ST8SIA4: variants seen among roughly 807,000 people sequenced by gnomAD.
The protein encoded by ST8SIA4 is CMP-N-acetylneuraminate-poly-alpha-2,8-sialyltransferase.
A neutral mutation model predicts 33.9 loss-of-function variants in ST8SIA4; 15 were observed. The observed-to-expected ratio is 0.44, with a 90% CI of 0.30 to 0.68. The LOEUF (loss-of-function observed/expected upper bound fraction) is 0.68. Ranked by LOEUF, ST8SIA4 falls within the 30% of genes least tolerant of loss-of-function variation. The pLI, the probability that ST8SIA4 is intolerant of heterozygous loss-of-function variation, is 0.10. For missense variants in ST8SIA4, 321 were observed against 428.0 expected (o/e 0.75, Z 2.21); for synonymous variants, 171 against 151.2 (o/e 1.13, Z -0.96).
At chr5:100,835,243 G>T (rs1751343400) in intron 4 of ST8SIA4, among the ~76,000 whole-genome samples, 1 of 152,048 alleles carries the variant, frequency 6.6e-6, no homozygotes, top group Non-Finnish European at 1.5e-5. Flanking sequence ...TTATCATATG[G>T]AGAGTTAATC....
intron 2 of ST8SIA4, among the ~76,000 whole-genome samples, chr5:100,892,402 G>A (rs1005909201): frequency 9.2e-5 from 14 of 152,084 alleles, no homozygotes; most frequent in African/African-American, 3.4e-4. Flanking sequence ...GCTGTAGAAT[G>A]CATAAACTCC....
chr5:100,838,987 C>T (rs1751418235), intron 4 of ST8SIA4, among the ~76,000 whole-genome samples: 1 of 151,432 alleles, frequency 6.6e-6, no homozygotes, highest in South Asian at 2.1e-4. Flanking sequence ...TAAAAGAGAA[C>T]ATTAATTTTT....
At position 100,836,450 on chromosome 5, in the gene ST8SIA4, A is replaced by G. The variant is rs1307250775; in HGVS notation, c.797+19653T>C. Among the ~76,000 whole-genome samples the G allele has an allele frequency of 2.6e-5, 4 of 151,864 alleles. No individual in the cohort carries two copies. In the East Asian group the frequency reaches 7.7e-4, roughly 29 times the overall value. The stretch of plus-strand genomic sequence containing the variant: ...ATTCATTTTTTTTTGCATTGTTCTG[A>G]GATTTGTCATTAGGTACGGTAGACT... On this transcript the variant is annotated intron_variant, in intron 4 of 4. Transcript: ENST00000231461.
chr5:100,878,967 C>T (rs1752362027), intron 3 of ST8SIA4, among the ~76,000 whole-genome samples: 1 of 151,994 alleles, frequency 6.6e-6, no homozygotes, highest in Non-Finnish European at 1.5e-5. Context: ...CAACAGATGC[C>T]AAATCTATAA....
At chr5:100,819,940 A>G (rs1751003357) in intron 4 of ST8SIA4, among the ~76,000 whole-genome samples, 1 of 152,170 alleles carries the variant, frequency 6.6e-6, no homozygotes, top group Non-Finnish European at 1.5e-5. Flanking sequence ...TATTTAATTT[A>G]TTCTTGCTGG....
At position 100,864,574 on chromosome 5, in the gene ST8SIA4, CAAAAAAA is replaced by C. The variant is rs201029430; in HGVS notation, c.504-8185_504-8179del. Among the ~76,000 whole-genome samples the C allele has an allele frequency of 5.9e-3, 411 of 69,256 alleles. 1 individual carries two copies. Among genetic ancestry groups the C allele is most frequent in the Admixed American group, 8.3e-3 (53 of 6,386 alleles). 45.4% of individuals were successfully genotyped at this position (69,256 alleles called of 152,430 possible). ...TGGGTGACAGAGCAAGACTCCGGCT[CAAAAAAA>C]AAAAAAAAAAAAAAAAAAAAAAGCC... On this transcript the variant is annotated intron_variant, in intron 3 of 4. Transcript: ENST00000231461.
At chr5:100,901,213 C>A (rs1294033429) in intron 1 of ST8SIA4, among the ~76,000 whole-genome samples, 3 of 152,192 alleles carry the variant, frequency 2.0e-5, no homozygotes, top group East Asian at 1.9e-4. Flanking sequence ...GAGATGGACA[C>A]CTCGGCAGTA....
Position 100,876,083 on chromosome 5 carries a change from A to G in ST8SIA4, c.503+10260T>C, listed in dbSNP as rs137998913. Among the ~76,000 whole-genome samples, 79 of 152,256 alleles carry G rather than the reference A, an allele frequency of 5.2e-4. 1 individual carries two copies. Among genetic ancestry groups the G allele is most frequent in the African/African-American group, 1.6e-3 (68 of 41,580 alleles). The stretch of plus-strand genomic sequence containing the variant: ...AAACAAAGACATAAAGCCTAAAACT[A>G]TACTCCTCTGTATTTAATAATACCA... On this transcript the variant is annotated intron_variant, in intron 3 of 4. Coordinates refer to ENST00000231461, the MANE Select transcript of ST8SIA4 (RefSeq NM_005668.6).
At chr5:100,861,083 T>TA (rs1751930501) in intron 3 of ST8SIA4, among the ~76,000 whole-genome samples, 1 of 152,170 alleles carries the variant, frequency 6.6e-6, no homozygotes, top group Admixed American at 6.6e-5. Context: ...GACTTTCATG[T>TA]GGTATACCAT....
chr5:100,823,439 C>T (rs908370239), intron 4 of ST8SIA4, among the ~76,000 whole-genome samples: 1 of 152,216 alleles, frequency 6.6e-6, no homozygotes, highest in African/African-American at 2.4e-5. Flanking sequence ...CTTTCTTTCC[C>T]TTTACGGACT....
chr5:100,902,720 A>G, intron 1 of ST8SIA4, 123 bp downstream of exon 1: 1 of 842,554 alleles, frequency 1.2e-6, no homozygotes, highest in East Asian at 2.6e-5. Context: ...AATTCATGAC[A>G]CTAACCACGC....
chr5:100,891,863 G>A (rs575950590), intron 2 of ST8SIA4, among the ~76,000 whole-genome samples: 4 of 151,904 alleles, frequency 2.6e-5, no homozygotes, highest in Admixed American at 6.6e-5. Flanking sequence ...TAGCTCTATC[G>A]GTAACTTATT....
At chr5:100,848,449 T>C (rs1408767069) in intron 4 of ST8SIA4, among the ~76,000 whole-genome samples, 1 of 149,852 alleles carries the variant, frequency 6.7e-6, no homozygotes, top group Non-Finnish European at 1.5e-5. Flanking sequence ...ATATGTGCAG[T>C]GTGTGTATAT....
chr5:100,848,433 A>G (rs1461059672), intron 4 of ST8SIA4, among the ~76,000 whole-genome samples: 1 of 150,336 alleles, frequency 6.7e-6, no homozygotes, highest in Non-Finnish European at 1.5e-5. Flanking sequence ...TTTACAGTAT[A>G]TCTATATATG....
At chr5:100,881,087 T>C (rs1035815312) in intron 3 of ST8SIA4, among the ~76,000 whole-genome samples, 3 of 152,204 alleles carry the variant, frequency 2.0e-5, no homozygotes, top group African/African-American at 7.2e-5. Flanking sequence ...CAGGTAAGAC[T>C]CATGTAGGAA....
chr5:100,836,995 A>ACACAC (rs1751376485), intron 4 of ST8SIA4, among the ~76,000 whole-genome samples: 3 of 146,298 alleles, frequency 2.1e-5, no homozygotes, highest in African/African-American at 7.6e-5. Context: ...TTAGTGCTAA[A>ACACAC]ACACACACAC....
intron 4 of ST8SIA4, among the ~76,000 whole-genome samples, chr5:100,852,985 T>A (rs1200675598): frequency 6.6e-6 from 1 of 152,208 alleles, no homozygotes; most frequent in African/African-American, 2.4e-5. Flanking sequence ...ACACCCTAAA[T>A]TCTGTGTCTT....
At chr5:100,865,087 T>A (rs1752035438) in intron 3 of ST8SIA4, among the ~76,000 whole-genome samples, 1 of 152,212 alleles carries the variant, frequency 6.6e-6, no homozygotes, top group Non-Finnish European at 1.5e-5. Flanking sequence ...CCTCAGCATT[T>A]CTCACTATCA....
intron 2 of ST8SIA4, among the ~76,000 whole-genome samples, chr5:100,892,301 T>C (rs1191984821): frequency 6.6e-6 from 1 of 152,172 alleles, no homozygotes; most frequent in Non-Finnish European, 1.5e-5. Context: ...ATCTTAAATG[T>C]GTTATTTCTT....
Sources: allele counts gnomAD v4.1 joint callset (sites outside exome capture counted in the v4.1 genomes callset), GRCh38; gene constraint gnomAD v4.1.1; transcripts MANE v1.5; gene names NCBI Gene and HGNC (gene_info 2026-07-23, HGNC 2026-07-21).